The following KAZN variants were observed in gnomAD, a reference collection of about 807,000 sequenced individuals.
The protein encoded by KAZN is kazrin.
KAZN carries 40 observed loss-of-function variants against 87.4 expected under a neutral mutation model. The observed-to-expected ratio is 0.46, with a 90% CI of 0.36 to 0.60. The LOEUF (loss-of-function observed/expected upper bound fraction) is 0.60, where lower values mean the gene tolerates loss of function less well. KAZN is among the 20% of genes least tolerant of loss of function. The probability of loss-of-function intolerance (pLI) is 0.00; values close to 1 mark genes in which losing one functional copy is unlikely to be tolerated. For missense variants in KAZN, 898 were observed against 1,073.9 expected (o/e 0.84, Z 2.29); for synonymous variants, 466 against 458.3 (o/e 1.02, Z -0.22).
intron 1 of KAZN, among the ~76,000 whole-genome samples, chr1:14,050,256 C>G (rs7515695): frequency 6.6e-6 from 1 of 150,820 alleles, no homozygotes; most frequent in African/African-American, 2.4e-5. Context: ...GTGGGCATGC[C>G]TGTGCACATG....
At chr1:14,571,258 T>A (rs1674846787) in intron 2 of KAZN, among the ~76,000 whole-genome samples, 1 of 151,946 alleles carries the variant, frequency 6.6e-6, no homozygotes, top group South Asian at 2.1e-4. Flanking sequence ...TTCAAACTAC[T>A]ATTGAGGAAT....
intron 2 of KAZN, among the ~76,000 whole-genome samples, chr1:14,432,846 A>G (rs1341149523): frequency 1.3e-5 from 2 of 151,858 alleles, no homozygotes; most frequent in Non-Finnish European, 1.5e-5. Context: ...TTCCTGTGTT[A>G]GTTTGCTGAG....
At chr1:13,898,486 A>G (rs1639128528) in intron 1 of KAZN, among the ~76,000 whole-genome samples, 1 of 152,242 alleles carries the variant, frequency 6.6e-6, no homozygotes, top group African/African-American at 2.4e-5. Context: ...GCATTTCTGC[A>G]GTTACCTTGC....
At chr1:14,655,286 C>A (rs1638717879) in intron 1 of KAZN, among the ~76,000 whole-genome samples, 1 of 152,198 alleles carries the variant, frequency 6.6e-6, no homozygotes, top group Non-Finnish European at 1.5e-5. Context: ...CTCCTCTGCT[C>A]TTTCTGGATT....
chr1:14,488,919 G>T (rs986650344), intron 2 of KAZN, among the ~76,000 whole-genome samples: 5 of 152,144 alleles, frequency 3.3e-5, no homozygotes, highest in Non-Finnish European at 4.4e-5. Flanking sequence ...TTCATTTCTT[G>T]TCCATCTTTG....
intron 2 of KAZN, among the ~76,000 whole-genome samples, chr1:14,418,999 A>G (rs1193150793): frequency 2.6e-5 from 4 of 152,186 alleles, no homozygotes; most frequent in African/African-American, 9.7e-5. Context: ...TGCCATTCGG[A>G]TACAACTGTC....
chr1:14,792,505 A>G (rs1645704672), intron 1 of KAZN, among the ~76,000 whole-genome samples: 1 of 152,188 alleles, frequency 6.6e-6, no homozygotes, highest in South Asian at 2.1e-4. Flanking sequence ...TTAGAAGCCC[A>G]GAGGGTCCCT....
intron 1 of KAZN, among the ~76,000 whole-genome samples, chr1:14,803,151 G>A (rs992169978): frequency 6.6e-6 from 1 of 150,788 alleles, no homozygotes; most frequent in Non-Finnish European, 1.5e-5. Flanking sequence ...GACAAACGCT[G>A]TGCTAAAGCC....
At chr1:15,013,799 A>C (rs995301712) in intron 2 of KAZN, among the ~76,000 whole-genome samples, 3 of 151,916 alleles carry the variant, frequency 2.0e-5, no homozygotes, top group African/African-American at 7.3e-5. Context: ...AGCTACTCCA[A>C]AAAGCTGATC....
chr1:15,108,875 G>C (rs915540459), intron 13 of KAZN, among the ~76,000 whole-genome samples: 14 of 152,144 alleles, frequency 9.2e-5, no homozygotes, highest in African/African-American at 2.9e-4. Context: ...ATACTTAATA[G>C]GTCGGTTCAA....
chr1:14,542,653 C>T (rs538166268), intron 2 of KAZN, among the ~76,000 whole-genome samples: 23 of 152,190 alleles, frequency 1.5e-4, no homozygotes, highest in African/African-American at 5.3e-4. Context: ...ATCCCGTCAC[C>T]CTGGTAGTGA....
intron 2 of KAZN, among the ~76,000 whole-genome samples, chr1:14,299,794 T>A (rs912043616): frequency 2.0e-5 from 3 of 152,286 alleles, no homozygotes; most frequent in Admixed American, 6.5e-5. Flanking sequence ...TCTGCTCACA[T>A]CACATTTACT....
In KAZN at chr1:14,598,895, G is replaced by T. The variant is rs1211124871; in HGVS notation, c.-103G>T. ...GTCGGGGCGCGGGCGAAGCCGGGCC[G>T]CGGAGGACACAACAGGTAGAGCCGG... On this transcript the variant is annotated 5_prime_UTR_variant, in exon 1 of 15. Transcript: ENST00000376030. This position sits in a 1 kb window ranked among gnomAD's most constrained non-coding sequence, Gnocchi z 4.2. The T allele has an allele frequency of 2.0e-6, 3 of 1,501,068 alleles. No individual in the cohort carries two copies. In the African/African-American group the frequency reaches 4.4e-5, roughly 22 times the overall value. The allele number at this position is 1,501,068 out of a possible 1,614,324, so 93.0% of individuals were successfully genotyped here. A position where few individuals can be genotyped will look rare whatever the true frequency, so the allele number is the denominator to read the frequency against.
chr1:14,348,174 C>A (rs1196998486), intron 2 of KAZN, among the ~76,000 whole-genome samples: 1 of 151,842 alleles, frequency 6.6e-6, no homozygotes, highest in Non-Finnish European at 1.5e-5. Flanking sequence ...CCTCAGCCTC[C>A]CACGTAGCTG....
At chr1:14,848,830 G>A (rs756537579) in intron 1 of KAZN, among the ~76,000 whole-genome samples, 7 of 152,220 alleles carry the variant, frequency 4.6e-5, no homozygotes, top group Non-Finnish European at 8.8e-5. Flanking sequence ...GCACCAAGGC[G>A]GAGTTGGTGG....
intron 8 of KAZN, chr1:15,067,300 C>G: frequency 1.0e-6 from 1 of 985,576 alleles, no homozygotes; most frequent in Non-Finnish European, 1.2e-6. Flanking sequence ...CGTCCCCCAA[C>G]TTGTCACAGC....
exon 1 of KAZN, chr1:13,893,570 T>A: frequency 1.3e-6 from 2 of 1,503,988 alleles, no homozygotes; most frequent in Non-Finnish European, 1.8e-6. Flanking sequence ...TAGCCTCAGA[T>A]CTGCAGTTCC....
At chr1:14,602,794 G>A (rs1228028150) in intron 1 of KAZN, among the ~76,000 whole-genome samples, 1 of 152,226 alleles carries the variant, frequency 6.6e-6, no homozygotes, top group East Asian at 1.9e-4. Context: ...TTAATGCCCA[G>A]TAGGATGTAT....
intron 2 of KAZN, among the ~76,000 whole-genome samples, chr1:14,302,145 TTCTC>T (rs2100783019): frequency 6.6e-6 from 1 of 152,324 alleles, no homozygotes; most frequent in African/African-American, 2.4e-5. Context: ...GATAATATCT[TTCTC>T]TATTTCCGAA....
Sources: gnomAD v4.1 joint callset for allele counts (sites outside exome capture counted in the v4.1 genomes callset) on GRCh38, gnomAD v4.1.1 for gene constraint, Gnocchi (gnomAD v3.1) non-coding constraint, MANE v1.5 for transcripts, NCBI Gene and HGNC (gene_info 2026-07-23, HGNC 2026-07-21) for gene names.